HELB: variants seen among roughly 807,000 people sequenced by gnomAD.
HELB encodes DNA 5'-3' helicase B.
In HELB, 96 loss-of-function variants were observed where a neutral mutation model predicts 101.7. The observed-to-expected ratio is 0.94, with a 90% CI of 0.80 to 1.12. The LOEUF (loss-of-function observed/expected upper bound fraction) is 1.12, where lower values mean the gene tolerates loss of function less well. Ranked by LOEUF, HELB falls within the 50% of genes most tolerant of loss-of-function variation. The pLI is 0.00. For missense variants in HELB, 1,210 were observed against 1,291.9 expected (o/e 0.94, Z 0.97); for synonymous variants, 437 against 459.7 (o/e 0.95, Z 0.63).
downstream of HELB, chr12:66,343,165 T>C (rs1367682916): frequency 6.6e-6 from 1 of 152,214 alleles, no homozygotes; most frequent in Non-Finnish European, 1.5e-5. Flanking sequence ...TACTTGTCAG[T>C]TTCTGCAAAG....
At chr12:66,322,836 T>G (rs2053687101) in intron 9 of HELB, 53 bp downstream of exon 9, 1 of 1,256,712 alleles carries the variant, frequency 8.0e-7, no homozygotes, top group African/African-American at 1.5e-5. Context: ...TTCGATTTGC[T>G]GGTTTTTTTT....
intron 6 of HELB, among the ~76,000 whole-genome samples, chr12:66,317,471 T>C (rs573709398): frequency 1.3e-5 from 2 of 152,226 alleles, no homozygotes; most frequent in Non-Finnish European, 2.9e-5. Context: ...TCCTGTAATC[T>C]TTCTGCTTCT....
downstream of HELB, chr12:66,338,750 T>G (rs916549881): frequency 6.6e-6 from 1 of 152,288 alleles, no homozygotes; most frequent in African/African-American, 2.4e-5. Context: ...CGTTGTGTGT[T>G]ACCTTTGCCA....
intron 12 of HELB, among the ~76,000 whole-genome samples, chr12:66,335,869 T>G (rs1398649003): frequency 6.6e-6 from 1 of 152,166 alleles, no homozygotes; most frequent in East Asian, 1.9e-4. Flanking sequence ...CATGCCATCC[T>G]CTCTCTCTTC....
At chr12:66,333,576 C>T (rs571372927) in intron 12 of HELB, among the ~76,000 whole-genome samples, 4 of 152,140 alleles carry the variant, frequency 2.6e-5, no homozygotes, top group South Asian at 2.1e-4. Context: ...ATCCCCGCTA[C>T]TCGAGAGGCT....
intron 1 of HELB, 134 bp downstream of exon 1, chr12:66,302,924 A>T: frequency 1.5e-6 from 1 of 672,318 alleles, no homozygotes. Flanking sequence ...GCTTCATCCT[A>T]CCAAGGGTAA....
intron 12 of HELB, among the ~76,000 whole-genome samples, chr12:66,334,808 T>A (rs2053849099): frequency 6.6e-6 from 1 of 151,422 alleles, no homozygotes; most frequent in Admixed American, 6.6e-5. Context: ...AATACATACA[T>A]ACAAAATAAA....
At chr12:66,307,060 C>A (rs956484232) in intron 3 of HELB, among the ~76,000 whole-genome samples, 1 of 152,202 alleles carries the variant, frequency 6.6e-6, no homozygotes, top group Non-Finnish European at 1.5e-5. Context: ...AAGGGGCACA[C>A]TGAGGCTCCA....
At position 66,318,808 on chromosome 12, in the gene HELB, T is replaced by A; in HGVS notation, c.2155+16T>A. The A allele has an allele frequency of 6.3e-7, 1 of 1,575,016 alleles. No individual in the cohort carries two copies. Among genetic ancestry groups the A allele is most frequent in the Non-Finnish European group, 8.6e-7 (1 of 1,161,158 alleles). On this transcript the variant is annotated intron_variant, in intron 7 of 12. Coordinates refer to ENST00000247815, the MANE Select transcript of HELB (RefSeq NM_001370285.1). Reference sequence around the variant, plus strand: ...CATCACTCTTGTAAGTATAAACTTCTATGAGATGTAGAGTTAAGTATAACT... The same window carrying A: ...CATCACTCTTGTAAGTATAAACTTCAATGAGATGTAGAGTTAAGTATAACT...
rs139502176 is a variant in HELB, at chr12:66,333,823, T to C, written c.3162+2178T>C. Among the ~76,000 whole-genome samples the C allele has an allele frequency of 6.0e-3, 906 of 152,000 alleles. 4 individuals carry two copies. The highest frequency in any genetic ancestry group is 8.9e-3 in the Non-Finnish European group (606 of 67,960). On this transcript the variant is annotated intron_variant, in intron 12 of 12. Coordinates refer to ENST00000247815, the MANE Select transcript of HELB (RefSeq NM_001370285.1). ...ATTTTATTCTGCTTGCAGTGGGAAT[T>C]CATTTGAGGGCTGGAAGCAGTGGTG...
chr12:66,311,236 G>A (rs922434959), intron 4 of HELB, among the ~76,000 whole-genome samples: 4 of 151,940 alleles, frequency 2.6e-5, no homozygotes, highest in African/African-American at 9.7e-5. Flanking sequence ...CAAGGTGGGA[G>A]GATCACTTGA....
At chr12:66,309,369 A>G (rs2053513103) in intron 3 of HELB, among the ~76,000 whole-genome samples, 1 of 152,198 alleles carries the variant, frequency 6.6e-6, no homozygotes, top group African/African-American at 2.4e-5. Flanking sequence ...GAAATATGGA[A>G]GTAAATTCTG....
At chr12:66,317,250 G>A (rs2053618628) in intron 6 of HELB, among the ~76,000 whole-genome samples, 1 of 152,066 alleles carries the variant, frequency 6.6e-6, no homozygotes, top group Non-Finnish European at 1.5e-5. Context: ...ATGAATTTGT[G>A]TTGGGCTGCA....
intron 7 of HELB, chr12:66,321,301 A>C (rs1208119672): frequency 6.6e-6 from 1 of 152,252 alleles, no homozygotes; most frequent in Non-Finnish European, 1.5e-5. Flanking sequence ...TGCCCCCGCT[A>C]TGCCAGGGTT....
chr12:66,323,650 A>T (rs1178802212), intron 9 of HELB, among the ~76,000 whole-genome samples: 2 of 152,188 alleles, frequency 1.3e-5, no homozygotes, highest in East Asian at 3.8e-4. Context: ...AGAGCAGAGG[A>T]TTAATTTTAA....
At chr12:66,312,929 G>T (rs1191378419) in intron 4 of HELB, among the ~76,000 whole-genome samples, 1 of 152,222 alleles carries the variant, frequency 6.6e-6, no homozygotes, top group Non-Finnish European at 1.5e-5. Context: ...GGGATTGTGT[G>T]TGGGGGAACC....
intron 6 of HELB, among the ~76,000 whole-genome samples, chr12:66,316,574 A>AATG (rs2053608164): frequency 9.7e-6 from 1 of 102,944 alleles, no homozygotes; most frequent in South Asian, 2.8e-4. Flanking sequence ...CTAAAATAAT[A>AATG]ATAATAATAA....
At position 66,324,170 on chromosome 12, in the gene HELB, A is replaced by AGG. The variant is rs1306541959; in HGVS notation, c.2485_2486insGG (p.Asn829ArgfsTer13). 1 of 1,613,810 alleles carries AGG rather than the reference A, an allele frequency of 6.2e-7. No homozygotes were observed. Among genetic ancestry groups the AGG allele is most frequent in the East Asian group, 2.2e-5 (1 of 44,828 alleles). On this transcript the variant is annotated frameshift_variant, in exon 10 of 13. Transcript: ENST00000247815. LOFTEE classifies it high-confidence loss of function. ...TAAAAATAAGCGTGACTTTGAAAGT[A>AGG]ACGTTCGACTGTGCAATGGAGAGAT...
chr12:66,320,854 G>GA (rs112179160), intron 7 of HELB, among the ~76,000 whole-genome samples: 2,587 of 152,228 alleles, frequency 0.017, 80 homozygotes, highest in African/African-American at 0.06. Flanking sequence ...TAAAATGTGA[G>GA]AAAAATGTAT....
Sources: gnomAD v4.1 joint callset for allele counts (sites outside exome capture counted in the v4.1 genomes callset) on GRCh38, gnomAD v4.1.1 for gene constraint, MANE v1.5 for transcripts, NCBI Gene and HGNC (gene_info 2026-07-23, HGNC 2026-07-21) for gene names.